The following RNF122 variants were observed in gnomAD, a reference collection of about 807,000 sequenced individuals.
RNF122 encodes ring finger protein 122.
RNF122 carries 17 observed loss-of-function variants against 24.2 expected under a neutral mutation model. The ratio of observed to expected loss-of-function variants is 0.70; its 90% CI spans 0.48 to 1.06. The LOEUF (loss-of-function observed/expected upper bound fraction) is 1.06, where lower values mean the gene tolerates loss of function less well. RNF122 is among the 50% of genes least tolerant of loss of function. The probability of loss-of-function intolerance (pLI) is 0.00; values close to 1 mark genes in which losing one functional copy is unlikely to be tolerated. For missense variants in RNF122, 168 were observed against 198.1 expected (o/e 0.85, Z 0.91); for synonymous variants, 65 against 71.8 (o/e 0.91, Z 0.48).
Position 33,558,636 on chromosome 8 carries a change from A to G in RNF122, c.161T>C (p.Ile54Thr), listed in dbSNP as rs1238243120. Residue 54 changes from isoleucine to threonine, a missense_variant, in exon 2 of 6, where the codon ATC becomes ACC. Ile to Thr is a moderately conservative substitution (Grantham distance 89, BLOSUM62 -1). Transcript: ENST00000256257. ...TGIFVFMLSL[I>T]FCCYFISKLR... The stretch of plus-strand genomic sequence containing the variant: ...GCACCTGATAAAATAGCAGCAGAAG[A>G]TAAGGCTGAGCATGAAGACAAAGAT... 2 of 1,610,856 alleles carry G rather than the reference A, an allele frequency of 1.2e-6. No individual in the cohort carries two copies. The highest frequency in any genetic ancestry group is 1.1e-5 in the South Asian group (1 of 90,756).
intron 1 of RNF122, 51 bp downstream of exon 1, chr8:33,566,648 C>T (rs1421852970): frequency 6.4e-7 from 1 of 1,566,976 alleles, no homozygotes. Context: ...CACCCCGCGC[C>T]GCGGCTCCCA....
chr8:33,548,917 T>C (rs1259170308), intron 5 of RNF122, 50 bp from the exon 6 acceptor site: 1 of 1,247,482 alleles, frequency 8.0e-7, no homozygotes, highest in East Asian at 2.3e-5. Flanking sequence ...ACCACGCTGC[T>C]CCAGTTGTCT....
intron 1 of RNF122, among the ~76,000 whole-genome samples, chr8:33,562,817 G>A (rs1021277085): frequency 3.3e-5 from 5 of 152,152 alleles, no homozygotes; most frequent in African/African-American, 1.2e-4. Flanking sequence ...CAGCTACTCG[G>A]GAGGCTGAGG....
chr8:33,548,920 A>C (rs763914608), intron 5 of RNF122, 53 bp from the exon 6 acceptor site: 1 of 1,247,452 alleles, frequency 8.0e-7, no homozygotes, highest in Non-Finnish European at 1.2e-6. Flanking sequence ...ACGCTGCTCC[A>C]GTTGTCTCTC....
At position 33,548,686 on chromosome 8, in the gene RNF122, C is replaced by T. The variant is rs1563367291; in HGVS notation, c.*67G>A. ...CACCCTACAGTCCTGTTGGTTGGAG[C>T]TGTGCAGAGGGACCAGACATCCATG... On this transcript the variant is annotated 3_prime_UTR_variant, in exon 6 of 6. Coordinates refer to ENST00000256257, the MANE Select transcript of RNF122 (RefSeq NM_024787.3). 5 of 957,174 alleles carry T rather than the reference C, an allele frequency of 5.2e-6. No homozygotes were observed. Among genetic ancestry groups the T allele is most frequent in the East Asian group, 2.4e-5 (1 of 41,572 alleles). The allele number at this position is 957,174 out of a possible 1,614,324, so 59.3% of individuals were successfully genotyped here. A position where few individuals can be genotyped will look rare whatever the true frequency, so the allele number is the denominator to read the frequency against.
rs541399229 is a variant in RNF122, at chr8:33,566,662, G to T, written c.25+37C>A. ...GCACCCCGCGCCGCGGCTCCCACCA[G>T]CCCCACGTAGGCTCGGCCCTCGCCC... is the stretch of plus-strand genomic sequence containing the variant. On this transcript the variant is annotated intron_variant, in intron 1 of 5. Coordinates refer to ENST00000256257, the MANE Select transcript of RNF122 (RefSeq NM_024787.3). The T allele has an allele frequency of 1.2e-5, 19 of 1,587,014 alleles. No individual in the cohort carries two copies. In the South Asian group the frequency reaches 1.7e-4, roughly 14 times the overall value.
intron 4 of RNF122, among the ~76,000 whole-genome samples, chr8:33,550,537 G>A (rs893424302): frequency 2.0e-5 from 3 of 151,318 alleles, no homozygotes; most frequent in Admixed American, 6.6e-5. Flanking sequence ...AATTCCTCAA[G>A]TCAGAGTTGA....
chr8:33,566,566 C>T (rs935368638), intron 1 of RNF122, 133 bp downstream of exon 1: 5 of 883,530 alleles, frequency 5.7e-6, no homozygotes, highest in Non-Finnish European at 7.2e-6. Flanking sequence ...CGCCAAGACG[C>T]CTTCTCGACT....
At chr8:33,555,847 G>A (rs1366814116) in intron 2 of RNF122, among the ~76,000 whole-genome samples, 2 of 152,100 alleles carry the variant, frequency 1.3e-5, no homozygotes, top group African/African-American at 4.8e-5. Context: ...TGACCACAAT[G>A]CCTGGCCTAT....
intron 1 of RNF122, among the ~76,000 whole-genome samples, chr8:33,562,146 C>G (rs1219810272): frequency 6.6e-6 from 1 of 152,104 alleles, no homozygotes; most frequent in Non-Finnish European, 1.5e-5. Context: ...TTGTTCGGCC[C>G]CTACTTACTC....
chr8:33,557,627 CAAA>C (rs35010890), intron 2 of RNF122, among the ~76,000 whole-genome samples: 6 of 129,772 alleles, frequency 4.6e-5, no homozygotes, highest in Non-Finnish European at 5.0e-5. Flanking sequence ...GACACCGTCT[CAAA>C]AAAAAAAAAA....
intron 1 of RNF122, among the ~76,000 whole-genome samples, chr8:33,564,015 C>T (rs1810583505): frequency 6.6e-6 from 1 of 152,098 alleles, no homozygotes; most frequent in Admixed American, 6.6e-5. Context: ...ATAAAGAGGT[C>T]GGTGGGAAGA....
intron 1 of RNF122, among the ~76,000 whole-genome samples, chr8:33,566,039 G>A (rs1451408800): frequency 6.6e-6 from 1 of 152,178 alleles, no homozygotes; most frequent in East Asian, 1.9e-4. Context: ...TTTTAGTAGA[G>A]ACGGAGTTTC....
Position 33,567,065 on chromosome 8 carries a change from T to G in RNF122, c.-342A>C. 8.3e-6 allele frequency: 3 copies of G among 363,088 alleles called. No homozygotes were observed. Among genetic ancestry groups the G allele is most frequent in the Non-Finnish European group, 5.1e-6 (1 of 194,204 alleles). 22.5% of individuals were successfully genotyped at this position (363,088 alleles called of 1,614,324 possible). A position where few individuals can be genotyped will look rare whatever the true frequency, so the allele number is the denominator to read the frequency against. On this transcript the variant is annotated 5_prime_UTR_variant, in exon 1 of 6. Transcript: ENST00000256257. ...CGGCCGGGGGAGGAGGGAAAAACCT[T>G]TGCCGGAGGCTCGGATCGGGTTCAG...
Position 33,548,762 on chromosome 8 carries a change from C to G in RNF122, c.459G>C (p.Glu153Asp), listed in dbSNP as rs370863263. ...ATQNIGILLD[E>D]LV ...GGTGTAGCGGCAGCACTCACACCAG[C>G]TCATCCAATAGAATCCCAATGTTCT... The change falls in exon 6 of 6, where the codon GAG (glutamate) becomes GAC (aspartate). Residue 153 changes from glutamate to aspartate, a missense_variant. By Grantham distance (45) the Glu-to-Asp change is conservative. Transcript: ENST00000256257. 18 of 1,610,158 alleles carry G rather than the reference C, an allele frequency of 1.1e-5. No homozygotes were observed. In the African/African-American group the frequency reaches 2.4e-4, roughly 22 times the overall value.
intron 2 of RNF122, among the ~76,000 whole-genome samples, chr8:33,552,789 T>C (rs915293514): frequency 3.3e-5 from 5 of 152,008 alleles, no homozygotes; most frequent in African/African-American, 1.2e-4. Context: ...TTGGGTGGGA[T>C]GGCTCATGCC....
At chr8:33,565,332 T>A (rs1241806587) in intron 1 of RNF122, among the ~76,000 whole-genome samples, 4 of 152,014 alleles carry the variant, frequency 2.6e-5, no homozygotes, top group African/African-American at 4.8e-5. Context: ...AAACAAAGCC[T>A]CTTGACATAA....
At chr8:33,566,547 A>C (rs1810626909) in intron 1 of RNF122, 152 bp downstream of exon 1, 2 of 757,242 alleles carry the variant, frequency 2.6e-6, no homozygotes, top group Admixed American at 4.6e-5. Flanking sequence ...TGTGCAGAGC[A>C]GAGTGGGGCG....
chr8:33,567,006 C>T lies in RNF122; in HGVS notation c.-283G>A. The T allele has an allele frequency of 6.3e-6, 3 of 475,868 alleles. No individual in the cohort carries two copies. Among genetic ancestry groups the T allele is most frequent in the South Asian group, 4.4e-5 (2 of 45,084 alleles). 29.5% of individuals were successfully genotyped at this position (475,868 alleles called of 1,614,324 possible). A position where few individuals can be genotyped will look rare whatever the true frequency, so the allele number is the denominator to read the frequency against. On this transcript the variant is annotated 5_prime_UTR_variant, in exon 1 of 6. Transcript: ENST00000256257. ...CCCGGGCTGGGGGAATGTGGGGCGC[C>T]GCGGGGCGGGGGTGCCCGGGCTGCA...
Sources: gnomAD v4.1 joint callset for allele counts (sites outside exome capture counted in the v4.1 genomes callset) on GRCh38, gnomAD v4.1.1 for gene constraint, MANE v1.5 for transcripts, NCBI Gene and HGNC (gene_info 2026-07-23, HGNC 2026-07-21) for gene names.